GMPR: variants seen among roughly 807,000 people sequenced by gnomAD.
GMPR encodes the protein GMP reductase 1.
In GMPR, 31 loss-of-function variants were observed where a neutral mutation model predicts 38.4. That is an observed-to-expected ratio of 0.81 (90% CI 0.61 to 1.09). GMPR has a LOEUF of 1.09. Ranked by LOEUF, GMPR falls within the 50% of genes least tolerant of loss-of-function variation. GMPR has a pLI of 0.00. For missense variants in GMPR, 468 were observed against 453.7 expected (o/e 1.03, Z -0.29); for synonymous variants, 162 against 173.3 (o/e 0.93, Z 0.51).
chr6:16,258,978 C>T (rs1363116897), intron 4 of GMPR: 1 of 152,118 alleles, frequency 6.6e-6, no homozygotes, highest in Non-Finnish European at 1.5e-5. Context: ...CTCCCTGTGC[C>T]CAGTTTCTCC....
At chr6:16,249,526 G>A (rs894446937) in intron 2 of GMPR, among the ~76,000 whole-genome samples, 1 of 152,118 alleles carries the variant, frequency 6.6e-6, no homozygotes, top group Admixed American at 6.6e-5. Flanking sequence ...GTCTTGCCAT[G>A]TTGCTAGGCT....
intron 3 of GMPR, 57 bp downstream of exon 3, chr6:16,250,424 A>G (rs1758849343): frequency 1.1e-6 from 1 of 932,262 alleles, no homozygotes; most frequent in Non-Finnish European, 1.8e-6. Flanking sequence ...CAAAATCTTC[A>G]GAGCTGTCAA....
chr6:16,245,752 G>A (rs1463919441), intron 1 of GMPR, among the ~76,000 whole-genome samples: 4 of 152,212 alleles, frequency 2.6e-5, no homozygotes, highest in Admixed American at 2.0e-4. Context: ...TTAGGGTGAG[G>A]GTCGGAGGGA....
At chr6:16,280,762 A>C (rs551123501) in intron 6 of GMPR, among the ~76,000 whole-genome samples, 3 of 152,160 alleles carry the variant, frequency 2.0e-5, no homozygotes, top group African/African-American at 7.2e-5. Context: ...TTAGTCCCCA[A>C]AATCCCCATA....
chr6:16,265,841 T>A (rs1325352966), intron 4 of GMPR, among the ~76,000 whole-genome samples: 1 of 152,232 alleles, frequency 6.6e-6, no homozygotes. Flanking sequence ...TTTTCTTCGT[T>A]CGCTTGCTGC....
intron 4 of GMPR, among the ~76,000 whole-genome samples, chr6:16,272,898 G>A (rs900523640): frequency 2.0e-5 from 3 of 151,912 alleles, no homozygotes; most frequent in Non-Finnish European, 2.9e-5. Flanking sequence ...TCCTGGGCTC[G>A]AGCAATCCAC....
chr6:16,287,808 T>C (rs949406134), intron 7 of GMPR, among the ~76,000 whole-genome samples: 1 of 152,208 alleles, frequency 6.6e-6, no homozygotes. Context: ...AAGGTTGCGT[T>C]GTGCTTTGCT....
At position 16,285,790 on chromosome 6, in the gene GMPR, A is replaced by T. The variant is rs746908568; in HGVS notation, c.655-3A>T. The stretch of plus-strand genomic sequence containing the variant: ...TCCTGTCCTTGCTTTTTCCTCTGTG[A>T]AGGATGGAGGCTGTACGTGTCCAGG... On this transcript the variant is annotated splice_region_variant and splice_polypyrimidine_tract_variant and intron_variant, in intron 6 of 8. Coordinates refer to ENST00000259727, the MANE Select transcript of GMPR (RefSeq NM_006877.4). 13 of 1,612,988 alleles carry T rather than the reference A, an allele frequency of 8.1e-6. No individual in the cohort carries two copies. The highest frequency in any genetic ancestry group is 1.1e-5 in the Non-Finnish European group (13 of 1,179,336).
chr6:16,273,991 T>G (rs188284547), intron 4 of GMPR, among the ~76,000 whole-genome samples: 41 of 152,164 alleles, frequency 2.7e-4, no homozygotes, highest in African/African-American at 8.9e-4. Context: ...AGTTTTTGTA[T>G]TTTTAGTAGA....
At chr6:16,276,196 G>C (rs961914800) in intron 5 of GMPR, among the ~76,000 whole-genome samples, 1 of 152,096 alleles carries the variant, frequency 6.6e-6, no homozygotes, top group African/African-American at 2.4e-5. Flanking sequence ...TTTTGAGACA[G>C]TCTTGCTCTG....
intron 1 of GMPR, among the ~76,000 whole-genome samples, chr6:16,243,152 C>A (rs1362754981): frequency 6.6e-6 from 1 of 152,172 alleles, no homozygotes; most frequent in Non-Finnish European, 1.5e-5. Flanking sequence ...TGGCGCTGTT[C>A]TGAGTCATGA....
Position 16,270,810 on chromosome 6 carries a change from G to A in GMPR, c.466-3605G>A, listed in dbSNP as rs555439069. 1.4e-4 allele frequency among the ~76,000 whole-genome samples: 22 copies of A among 152,328 alleles called. 3 individuals are homozygous for A. The East Asian group carries it at 3.3e-3, about 23-fold the overall frequency. On this transcript the variant is annotated intron_variant, in intron 4 of 8. Coordinates refer to ENST00000259727, the MANE Select transcript of GMPR (RefSeq NM_006877.4). ...ATTTGGACCATGGACAGATTCAGCA[G>A]CCACACAGGTAGCTGATGGGATGGA... is the stretch of plus-strand genomic sequence containing the variant.
chr6:16,248,232 CAAAAAAAA>C (rs774386979), intron 2 of GMPR, among the ~76,000 whole-genome samples: 38 of 45,136 alleles, frequency 8.4e-4, no homozygotes, highest in African/African-American at 2.8e-3. Flanking sequence ...GACCCTGTCT[CAAAAAAAA>C]AAAAAAAAAA....
chr6:16,247,919 G>A (rs1402237109), intron 2 of GMPR, among the ~76,000 whole-genome samples: 2 of 151,916 alleles, frequency 1.3e-5, no homozygotes, highest in Non-Finnish European at 2.9e-5. Flanking sequence ...CTAATTTTCT[G>A]TAAAGAGGGT....
chr6:16,288,662 G>A (rs1445366137), intron 7 of GMPR, among the ~76,000 whole-genome samples: 4 of 152,218 alleles, frequency 2.6e-5, no homozygotes, highest in African/African-American at 9.6e-5. Context: ...TGGGACTGGT[G>A]GGCAGCTCCA....
intron 4 of GMPR, among the ~76,000 whole-genome samples, chr6:16,264,724 G>T (rs1759157313): frequency 6.6e-6 from 1 of 152,162 alleles, no homozygotes; most frequent in Admixed American, 6.5e-5. Flanking sequence ...GCCAGGATGA[G>T]CCAGGAGAAG....
At chr6:16,288,540 C>T (rs564395405) in intron 7 of GMPR, among the ~76,000 whole-genome samples, 101 of 152,356 alleles carry the variant, frequency 6.6e-4, no homozygotes, top group African/African-American at 2.1e-3. Flanking sequence ...GCTTCCCCGC[C>T]CCCTCCACGG....
chr6:16,264,937 A>G (rs994434760), intron 4 of GMPR, among the ~76,000 whole-genome samples: 2 of 152,208 alleles, frequency 1.3e-5, no homozygotes, highest in African/African-American at 4.8e-5. Context: ...GTAGGAGAAC[A>G]GGGATTTTTA....
At chr6:16,276,879 ACTT>A (rs1554133899) in intron 5 of GMPR, among the ~76,000 whole-genome samples, 2 of 152,180 alleles carry the variant, frequency 1.3e-5, no homozygotes, top group Non-Finnish European at 2.9e-5. Context: ...GTATGCACCA[ACTT>A]CTTCTTTCAC....
Sources: gnomAD v4.1 joint callset for allele counts (sites outside exome capture counted in the v4.1 genomes callset) on GRCh38, gnomAD v4.1.1 for gene constraint, MANE v1.5 for transcripts, NCBI Gene and HGNC (gene_info 2026-07-23, HGNC 2026-07-21) for gene names.